Variants in LYPD6 observed in about 807,000 individuals in gnomAD.
LYPD6 encodes the protein LY6/PLAUR domain containing 6.
A neutral mutation model predicts 22.7 loss-of-function variants in LYPD6; 15 were observed. The observed-to-expected ratio is 0.66, with a 90% CI of 0.44 to 1.02. LYPD6 has a LOEUF of 1.02. LYPD6 is among the 50% of genes least tolerant of loss of function. The probability of loss-of-function intolerance (pLI) is 0.00; values close to 1 mark genes in which losing one functional copy is unlikely to be tolerated. For missense variants in LYPD6, 189 were observed against 208.4 expected (o/e 0.91, Z 0.57); for synonymous variants, 72 against 77.5 (o/e 0.93, Z 0.37).
intron 1 of LYPD6, among the ~76,000 whole-genome samples, chr2:149,391,201 G>T (rs16826936): frequency 6.6e-6 from 1 of 152,094 alleles, no homozygotes; most frequent in Non-Finnish European, 1.5e-5. Flanking sequence ...TCTGCCAGAC[G>T]CTGACATGGT....
At chr2:149,466,270 A>G (rs917136683) in intron 3 of LYPD6, among the ~76,000 whole-genome samples, 6 of 152,194 alleles carry the variant, frequency 3.9e-5, no homozygotes, top group African/African-American at 1.4e-4. Context: ...AGCATTTTCA[A>G]AACTTCTTAA....
chr2:149,345,068 TAAAAA>T (rs1167774609), intron 1 of LYPD6, among the ~76,000 whole-genome samples: 2 of 151,726 alleles, frequency 1.3e-5, no homozygotes, highest in Admixed American at 1.3e-4. Context: ...TTAAAAAAAA[TAAAAA>T]GAGAGTAAGG....
intron 1 of LYPD6, among the ~76,000 whole-genome samples, chr2:149,359,321 TGGCACACAGTA>T: frequency 6.6e-6 from 1 of 152,300 alleles, no homozygotes; most frequent in Non-Finnish European, 1.5e-5. Context: ...GCCGAGTGCC[TGGCACACAGTA>T]GGCACACAAT....
chr2:149,343,327 T>C (rs1389225819), intron 1 of LYPD6, among the ~76,000 whole-genome samples: 1 of 151,804 alleles, frequency 6.6e-6, no homozygotes, highest in Non-Finnish European at 1.5e-5. Flanking sequence ...TACTTTATAA[T>C]AGATTAAAAA....
At chr2:149,368,297 C>G (rs529647363) in intron 1 of LYPD6, 1 of 152,174 alleles carries the variant, frequency 6.6e-6, no homozygotes, top group Non-Finnish European at 1.5e-5. Flanking sequence ...GGTTTAGAAG[C>G]AGGAGAGCAT....
chr2:149,415,881 C>T (rs984499092), intron 1 of LYPD6, among the ~76,000 whole-genome samples: 1 of 151,860 alleles, frequency 6.6e-6, no homozygotes, highest in Non-Finnish European at 1.5e-5. Context: ...GGTTTCTCTT[C>T]ATGTTGCCCA....
Position 149,391,712 on chromosome 2 carries a change from C to T in LYPD6, c.-71-45926C>T, listed in dbSNP as rs575553093. On this transcript the variant is annotated intron_variant, in intron 1 of 4. Transcript: ENST00000334166. ...TGAGCTGGACATGACCCTGAGTTCT[C>T]CCTGCCTGTGACATACCTCCCTTTC... 4.1e-4 allele frequency among the ~76,000 whole-genome samples: 62 copies of T among 152,288 alleles called. 1 individual carries two copies. The South Asian group carries it at 0.011, about 26-fold the overall frequency.
intron 1 of LYPD6, among the ~76,000 whole-genome samples, chr2:149,410,944 T>G (rs1370383902): frequency 6.6e-6 from 1 of 152,210 alleles, no homozygotes; most frequent in Non-Finnish European, 1.5e-5. Flanking sequence ...GCTTTCACCA[T>G]GTTACATTTC....
At chr2:149,402,221 GGT>G (rs1682572895) in intron 1 of LYPD6, among the ~76,000 whole-genome samples, 1 of 149,334 alleles carries the variant, frequency 6.7e-6, no homozygotes, top group Non-Finnish European at 1.5e-5. Context: ...AGTATTCCAT[GGT>G]GTGTGTTTGC....
intron 1 of LYPD6, among the ~76,000 whole-genome samples, chr2:149,335,244 G>T (rs1165707162): frequency 3.3e-5 from 5 of 151,964 alleles, no homozygotes; most frequent in Non-Finnish European, 4.4e-5. Flanking sequence ...GCGTGTTATT[G>T]CCCCTGAAGA....
chr2:149,369,563 G>A (rs965171213), intron 1 of LYPD6, among the ~76,000 whole-genome samples: 1 of 152,148 alleles, frequency 6.6e-6, no homozygotes, highest in African/African-American at 2.4e-5. Context: ...TGTGGCTAAT[G>A]AGGGCCCACC....
intron 1 of LYPD6, among the ~76,000 whole-genome samples, chr2:149,364,788 A>C (rs1573743507): frequency 6.6e-6 from 1 of 152,166 alleles, no homozygotes. Flanking sequence ...GGCTGTACTA[A>C]TTAACACTCC....
intron 1 of LYPD6, among the ~76,000 whole-genome samples, chr2:149,350,701 C>T (rs536476639): frequency 2.2e-4 from 33 of 152,294 alleles, no homozygotes; most frequent in South Asian, 6.2e-4. Context: ...AGTTGAGGAA[C>T]GAATTTTAAG....
rs533168443 is a variant in LYPD6 at position 149,451,124 on chromosome 2, T to C, written c.217+1977T>C. 2.6e-5 allele frequency among the ~76,000 whole-genome samples: 4 copies of C among 152,282 alleles called. No homozygotes were observed. The East Asian group carries it at 7.7e-4, about 29-fold the overall frequency. ...TCTCGCAGTTCTTGAGGCTGGGAAG[T>C]CCCAGATCAAGGTGCCGGCAGGTTC... On this transcript the variant is annotated intron_variant, in intron 3 of 4. Coordinates refer to ENST00000334166, the MANE Select transcript of LYPD6 (RefSeq NM_194317.5).
At position 149,370,004 on chromosome 2, in the gene LYPD6, C is replaced by T. The variant is rs112740374; in HGVS notation, c.-72+39282C>T. Among the ~76,000 whole-genome samples the T allele has an allele frequency of 9.7e-4, 148 of 151,970 alleles. 2 individuals carry two copies. Among genetic ancestry groups the T allele is most frequent in the African/African-American group, 3.0e-3 (126 of 41,466 alleles). ...TGGAGCGATTAGCAGCAGACGGGAA[C>T]GGGCCACGGCTCTCACCAAGGCTGG... On this transcript the variant is annotated intron_variant, in intron 1 of 4. Transcript: ENST00000334166.
chr2:149,437,664 G>A lies in LYPD6; in HGVS notation c.-45G>A, dbSNP rs771775180. The A allele has an allele frequency of 6.2e-7, 1 of 1,607,118 alleles. No individual in the cohort carries two copies. The highest frequency in any genetic ancestry group is 8.5e-7 in the Non-Finnish European group (1 of 1,175,618). On this transcript the variant is annotated 5_prime_UTR_variant, in exon 2 of 5. It adds an upstream start codon to the 5' untranslated region. Transcript: ENST00000334166. ...TGCAAGTTCTCTCCTGTTGCCCTGAGTGCCCACTCCCAGGCCCTCTGTATG... is the reference window on the plus strand; with the variant it reads ...TGCAAGTTCTCTCCTGTTGCCCTGAATGCCCACTCCCAGGCCCTCTGTATG...
chr2:149,396,233 C>CA (rs939164294), intron 1 of LYPD6, among the ~76,000 whole-genome samples: 6 of 151,078 alleles, frequency 4.0e-5, no homozygotes, highest in African/African-American at 1.5e-4. Flanking sequence ...TTGCCCTCTG[C>CA]TTTTTTTTTC....
intron 1 of LYPD6, among the ~76,000 whole-genome samples, chr2:149,341,118 A>G (rs1681152497): frequency 6.6e-6 from 1 of 152,172 alleles, no homozygotes; most frequent in African/African-American, 2.4e-5. Context: ...TTTTATGTAT[A>G]ACTTCATAGG....
intron 1 of LYPD6, among the ~76,000 whole-genome samples, chr2:149,337,142 C>T (rs138212894): frequency 1.1e-3 from 164 of 152,210 alleles, no homozygotes; most frequent in South Asian, 1.9e-3. Context: ...GGACAGGCAC[C>T]GAATCTGTTT....
Sources: allele counts gnomAD v4.1 joint callset (sites outside exome capture counted in the v4.1 genomes callset), GRCh38; gene constraint gnomAD v4.1.1; transcripts MANE v1.5; gene names NCBI Gene and HGNC (gene_info 2026-07-23, HGNC 2026-07-21).